The following PHKA1 variants were observed in gnomAD, a reference collection of about 807,000 sequenced individuals.
PHKA1 encodes phosphorylase kinase regulatory subunit alpha 1.
PHKA1 carries 60 observed loss-of-function variants against 110.2 expected under a neutral mutation model. That is an observed-to-expected ratio of 0.54 (90% confidence interval 0.44 to 0.68). PHKA1 has a LOEUF of 0.68. Among genes scored for constraint, PHKA1 ranks in the 30% least tolerant of loss-of-function variants. The pLI, the probability that PHKA1 is intolerant of heterozygous loss-of-function variation, is 0.00. For missense variants in PHKA1, 801 were observed against 942.5 expected (o/e 0.85, Z 1.97); for synonymous variants, 316 against 333.6 (o/e 0.95, Z 0.58).
At chrX:72,699,507 C>CAAAAAAAA (rs1171276586) in intron 3 of PHKA1, among the ~76,000 whole-genome samples, 1 of 16,929 alleles carries the variant, frequency 5.9e-5, no homozygotes. Flanking sequence ...GACTCCATCT[C>CAAAAAAAA]AAAAAAAAAA....
intron 14 of PHKA1, among the ~76,000 whole-genome samples, chrX:72,637,682 G>T (rs782577593): frequency 1.5e-4 from 17 of 112,176 alleles, no homozygotes; most frequent in African/African-American, 5.5e-4. Flanking sequence ...GTACACAAGA[G>T]TTTTCATGTC....
rs782178671 is a variant in PHKA1 at position 72,704,157 on chromosome X, A to G, written c.285+1041T>C. On this transcript the variant is annotated intron_variant, in intron 3 of 31. Transcript: ENST00000373542. ...GAGGAAATGCAAATTTTCAATCTAC[A>G]CATAAAAGGATGCTCAACTTCACTG... is the stretch of plus-strand genomic sequence containing the variant. Among the ~76,000 whole-genome samples, 4 of 112,168 alleles carry G rather than the reference A, an allele frequency of 3.6e-5. No individual in the cohort carries two copies. In the East Asian group the frequency reaches 1.1e-3, roughly 31 times the overall value.
rs782460913 is a variant in PHKA1, at chrX:72,625,206, T to C, written c.1793+1765A>G. Among the ~76,000 whole-genome samples, 25 of 111,764 alleles carry C rather than the reference T, an allele frequency of 2.2e-4. 1 individual carries two copies. The highest frequency in any genetic ancestry group is 6.6e-4 in the Admixed American group (7 of 10,549). ...GGTGTACAAACTATTTCATCACCCA[T>C]AGTAAGCACAGTATCCAATAGGTAG... is the stretch of plus-strand genomic sequence containing the variant. On this transcript the variant is annotated intron_variant, in intron 17 of 31. Transcript: ENST00000373542.
intron 4 of PHKA1, among the ~76,000 whole-genome samples, chrX:72,685,044 T>A (rs1420942226): frequency 8.9e-6 from 1 of 111,878 alleles, no homozygotes; most frequent in African/African-American, 3.2e-5. Flanking sequence ...CATACAAAGA[T>A]ATTATAACTT....
intron 23 of PHKA1, among the ~76,000 whole-genome samples, chrX:72,606,895 A>G (rs896399886): frequency 1.3e-4 from 14 of 111,501 alleles, no homozygotes; most frequent in African/African-American, 3.6e-4. Context: ...GTCTTTTGGT[A>G]ACCATCATTC....
chrX:72,700,691 C>T (rs782424725), intron 3 of PHKA1, among the ~76,000 whole-genome samples: 1 of 111,000 alleles, frequency 9.0e-6, no homozygotes, highest in South Asian at 3.8e-4. Flanking sequence ...CAATTGTTGT[C>T]TTGTTTTGGT....
At position 72,703,964 on chromosome X, in the gene PHKA1, T is replaced by C. The variant is rs144356485; in HGVS notation, c.285+1234A>G. The stretch of plus-strand genomic sequence containing the variant: ...ACAATTTTTTAAAGTAAAAACACTC[T>C]TGTATGCAAAAATATCACAAACAAG... On this transcript the variant is annotated intron_variant, in intron 3 of 31. Coordinates refer to ENST00000373542, the MANE Select transcript of PHKA1 (RefSeq NM_002637.4). Among the ~76,000 whole-genome samples the C allele has an allele frequency of 1.2e-4, 13 of 111,994 alleles. 1 individual carries two copies. In the East Asian group the frequency reaches 3.6e-3, roughly 31 times the overall value.
chrX:72,585,722 A>G (rs2052415445), intron 29 of PHKA1, among the ~76,000 whole-genome samples: 1 of 111,999 alleles, frequency 8.9e-6, no homozygotes, highest in Non-Finnish European at 1.9e-5. Flanking sequence ...CCGCCCAAAT[A>G]CTGCACTTTT....
intron 3 of PHKA1, among the ~76,000 whole-genome samples, chrX:72,701,917 C>T (rs555200505): frequency 5.4e-5 from 6 of 112,098 alleles, no homozygotes; most frequent in South Asian, 3.7e-4. Flanking sequence ...TATTTCAAAA[C>T]GATAGGACAC....
intron 26 of PHKA1, 77 bp from the exon 27 acceptor site, chrX:72,602,350 A>G: frequency 1.7e-6 from 1 of 596,018 alleles, no homozygotes; most frequent in South Asian, 2.4e-5. Flanking sequence ...TTTAAAAAAA[A>G]CTTTCATATA....
intron 26 of PHKA1, 122 bp from the exon 27 acceptor site, chrX:72,602,395 C>T: frequency 3.9e-6 from 2 of 506,854 alleles, no homozygotes; most frequent in South Asian, 5.8e-5. Context: ...AAAACTATAA[C>T]CTTGCTATTT....
At chrX:72,602,827 G>T (rs782695415) in intron 26 of PHKA1, among the ~76,000 whole-genome samples, 2 of 112,087 alleles carry the variant, frequency 1.8e-5, no homozygotes, top group Non-Finnish European at 3.8e-5. Flanking sequence ...AGTTTCAGAT[G>T]ATATGGGTTG....
At position 72,612,414 on chromosome X, in the gene PHKA1, C is replaced by T. The variant is rs1213127319; in HGVS notation, c.2370-1230G>A. Among the ~76,000 whole-genome samples, 3 of 111,593 alleles carry T rather than the reference C, an allele frequency of 2.7e-5. No homozygotes were observed. The East Asian group carries it at 8.4e-4, about 31-fold the overall frequency. On this transcript the variant is annotated intron_variant, in intron 21 of 31. Transcript: ENST00000373542. The stretch of plus-strand genomic sequence containing the variant: ...AAAATGAGTAGTGGTGAAGAATGCA[C>T]AACAATGTGAATACATTCAAAGCCA...
intron 15 of PHKA1, among the ~76,000 whole-genome samples, chrX:72,635,815 A>G (rs1415417227): frequency 8.9e-6 from 1 of 112,003 alleles, no homozygotes; most frequent in African/African-American, 3.2e-5. Flanking sequence ...AATAAACATC[A>G]GGCTAACAAC....
intron 14 of PHKA1, among the ~76,000 whole-genome samples, chrX:72,638,378 A>C (rs1212668146): frequency 1.8e-5 from 2 of 108,957 alleles, no homozygotes; most frequent in Non-Finnish European, 3.8e-5. Flanking sequence ...TCTCTCAAAA[A>C]AAAAAAAAAA....
chrX:72,713,568 A>G (rs1200798237), intron 1 of PHKA1, among the ~76,000 whole-genome samples: 1 of 110,770 alleles, frequency 9.0e-6, no homozygotes, highest in Admixed American at 9.7e-5. Context: ...GCAATGAAAA[A>G]CCAGCAGAAA....
At chrX:72,681,176 C>T (rs1486584572) in intron 5 of PHKA1, among the ~76,000 whole-genome samples, 24 of 98,872 alleles carry the variant, frequency 2.4e-4, no homozygotes, top group African/African-American at 4.0e-4. Flanking sequence ...TCTGCCCCGC[C>T]GCCCCATCTG....
chrX:72,686,717 G>C (rs1441800056), intron 4 of PHKA1, among the ~76,000 whole-genome samples: 1 of 111,745 alleles, frequency 8.9e-6, no homozygotes, highest in African/African-American at 3.2e-5. Flanking sequence ...GAAAAATATG[G>C]AACAATTTTA....
At chrX:72,593,040 T>G (rs2052542480) in intron 29 of PHKA1, 64 bp downstream of exon 29, 1 of 694,244 alleles carries the variant, frequency 1.4e-6, no homozygotes, top group African/African-American at 2.1e-5. Context: ...ATGTCATATC[T>G]CTGCCAAGGA....
Sources: allele counts gnomAD v4.1 joint callset (sites outside exome capture counted in the v4.1 genomes callset), GRCh38; gene constraint gnomAD v4.1.1; transcripts MANE v1.5; gene names NCBI Gene and HGNC (gene_info 2026-07-23, HGNC 2026-07-21).